The following PPOX variants were observed in gnomAD, a reference collection of about 807,000 sequenced individuals.
The protein encoded by PPOX is protoporphyrinogen oxidase.
Under a neutral mutation model 54.1 loss-of-function variants are expected in PPOX, and 23 were observed. The observed-to-expected ratio is 0.43, with a 90% CI of 0.31 to 0.60. The LOEUF (loss-of-function observed/expected upper bound fraction) is 0.60. Ranked by LOEUF, PPOX falls within the 20% of genes least tolerant of loss-of-function variation. The probability of loss-of-function intolerance (pLI) is 0.13; values close to 1 mark genes in which losing one functional copy is unlikely to be tolerated. For missense variants in PPOX, 512 were observed against 601.1 expected (o/e 0.85, Z 1.55); for synonymous variants, 224 against 236.1 (o/e 0.95, Z 0.47).
chr1:161,172,290 G>C (rs1188113102), downstream of PPOX: 1 of 1,614,122 alleles, frequency 6.2e-7, no homozygotes, highest in Non-Finnish European at 8.5e-7. Flanking sequence ...GTGTCCTACA[G>C]ATGTGGGGGG....
At chr1:161,173,514 G>T, downstream of PPOX, 1 of 1,577,358 alleles carries the variant, frequency 6.3e-7, no homozygotes, top group Non-Finnish European at 8.7e-7. Flanking sequence ...GGGAGCTAAA[G>T]GTTAGTGTTG....
At chr1:161,168,332 C>CTT (rs2101867154) in intron 5 of PPOX, 100 bp from the exon 6 acceptor site, 1 of 1,592,540 alleles carries the variant, frequency 6.3e-7, no homozygotes, top group South Asian at 1.1e-5. Context: ...GTCCCCCAAC[C>CTT]CAAACCCTAT....
chr1:161,177,034 T>C (rs1194027404), exon 5 of PPOX: 2 of 1,533,996 alleles, frequency 1.3e-6, no homozygotes, highest in African/African-American at 1.4e-5. Flanking sequence ...CGGCGGAGAG[T>C]AGGGTGGGGG....
At chr1:161,177,177 G>C (rs1427009597), downstream of PPOX, 3 of 1,106,062 alleles carry the variant, frequency 2.7e-6, no homozygotes, top group South Asian at 3.0e-5. Flanking sequence ...CACCTAGAGG[G>C]GCGTGGTCCG....
chr1:161,172,899 A>G (rs1455668605), downstream of PPOX, among the ~76,000 whole-genome samples: 1 of 151,998 alleles, frequency 6.6e-6, no homozygotes, highest in Non-Finnish European at 1.5e-5. Context: ...AAGAAAGAAA[A>G]GAAAAGGGTA....
chr1:161,165,874 T>C (rs572707485), upstream of PPOX, among the ~76,000 whole-genome samples: 1 of 152,226 alleles, frequency 6.6e-6, no homozygotes, highest in Non-Finnish European at 1.5e-5. Flanking sequence ...CCCGGACCTG[T>C]GTCCCCCAGC....
chr1:161,176,901 C>A (rs1395579696), exon 5 of PPOX: 4 of 1,536,216 alleles, frequency 2.6e-6, no homozygotes, highest in Non-Finnish European at 3.5e-6. Context: ...GTGGAGTGGC[C>A]TAAGGAGTAC....
chr1:161,171,092 CTA>C lies in PPOX; in HGVS notation c.1352_1353del (p.Tyr451Ter). On this transcript the variant is annotated frameshift_variant, in exon 13 of 13. Transcript: ENST00000367999. LOFTEE classifies it high-confidence loss of function. ...RLPLTLAGAS[Y>X]EGVAVNDCIE... is the part of the protein sequence containing the mutation. ...TGCCCCTGACTCTGGCTGGAGCCTCCTATGAGGGAGTTGCTGTTAATGACTGT... is the reference window on the plus strand; with the variant it reads ...TGCCCCTGACTCTGGCTGGAGCCTCCTGAGGGAGTTGCTGTTAATGACTGT... 1 of 1,614,112 alleles carries C rather than the reference CTA, an allele frequency of 6.2e-7. No individual in the cohort carries two copies. Among genetic ancestry groups the C allele is most frequent in the Non-Finnish European group, 8.5e-7 (1 of 1,180,032 alleles).
At chr1:161,173,546 T>A, downstream of PPOX, 1 of 1,610,448 alleles carries the variant, frequency 6.2e-7, no homozygotes, top group Non-Finnish European at 8.5e-7. Flanking sequence ...TCAAAGGTGG[T>A]CTTAGAGGAC....
At chr1:161,173,490 T>C, downstream of PPOX, 12 of 1,450,508 alleles carry the variant, frequency 8.3e-6, no homozygotes, top group Non-Finnish European at 1.1e-5. Context: ...AGGAATGGGC[T>C]CAGTGCAGGA....
intron 9 of PPOX, 118 bp downstream of exon 9, chr1:161,170,142 T>C (rs1368269187): frequency 2.4e-6 from 3 of 1,252,506 alleles, no homozygotes; most frequent in Admixed American, 2.0e-5. Flanking sequence ...CTGGCCAACA[T>C]GGTGAAACCC....
exon 5 of PPOX, chr1:161,176,995 G>A: frequency 3.3e-6 from 5 of 1,536,088 alleles, no homozygotes; most frequent in Non-Finnish European, 4.4e-6. Flanking sequence ...GTGACCACCT[G>A]GGGGCTGTAA....
chr1:161,168,598 G>A (rs765803111), intron 6 of PPOX, 22 bp downstream of exon 6: 2 of 1,612,638 alleles, frequency 1.2e-6, no homozygotes, highest in East Asian at 2.2e-5. Flanking sequence ...TTGATTCAGA[G>A]GGTGAAAATA....
At chr1:161,170,319 T>TGGGGGGGCG in intron 9 of PPOX, 90 bp from the exon 10 acceptor site, 2 of 514,788 alleles carry the variant, frequency 3.9e-6, no homozygotes, top group East Asian at 5.3e-5. Flanking sequence ...AGTGAGACTC[T>TGGGGGGGCG]GTCCCCCCCA....
chr1:161,168,531 G>T lies in PPOX; in HGVS notation c.571G>T (p.Glu191Ter). The T allele has an allele frequency of 6.2e-7, 1 of 1,614,194 alleles. No homozygotes were observed. The highest frequency in any genetic ancestry group is 8.5e-7 in the Non-Finnish European group (1 of 1,180,052). The change falls in exon 6 of 13, where the codon GAG becomes TAG. Residue 191 changes from glutamate to a stop codon, truncating the protein, a stop_gained. Coordinates refer to ENST00000367999, the MANE Select transcript of PPOX (RefSeq NM_001122764.3). LOFTEE classifies it high-confidence loss of function. ...CTGCTTTCCCAGTCTCTTCCAAGCTGAGCAAACCCATCGTTCCATATTACT... is the reference window on the plus strand; with the variant it reads ...CTGCTTTCCCAGTCTCTTCCAAGCTTAGCAAACCCATCGTTCCATATTACT... ...RSCFPSLFQA[E>*]QTHRSILLGL...
chr1:161,169,835 G>A, intron 8 of PPOX, 71 bp from the exon 9 acceptor site: 1 of 1,614,054 alleles, frequency 6.2e-7, no homozygotes. Flanking sequence ...CTCTATGGGA[G>A]TCTAATCCCA....
chr1:161,170,321 T>TACCCC, intron 9 of PPOX, 88 bp from the exon 10 acceptor site: 2 of 367,762 alleles, frequency 5.4e-6, no homozygotes, highest in South Asian at 1.8e-5. Context: ...TGAGACTCTG[T>TACCCC]CCCCCCCACC....
At chr1:161,174,841 T>C (rs1662881767), downstream of PPOX, 1 of 745,070 alleles carries the variant, frequency 1.3e-6, no homozygotes, top group Non-Finnish European at 2.2e-6. Flanking sequence ...ACTAACAAAG[T>C]TGGAAGAGCA....
At chr1:161,174,797 G>C (rs1662865730), downstream of PPOX, 1 of 609,042 alleles carries the variant, frequency 1.6e-6, no homozygotes, top group Non-Finnish European at 2.9e-6. Flanking sequence ...TAGGACAGTG[G>C]GAATAACCTA....
Sources: gnomAD v4.1 joint callset for allele counts (sites outside exome capture counted in the v4.1 genomes callset) on GRCh38, gnomAD v4.1.1 for gene constraint, MANE v1.5 for transcripts, NCBI Gene and HGNC (gene_info 2026-07-23, HGNC 2026-07-21) for gene names.